EPS15L1: variants seen among roughly 807,000 people sequenced by gnomAD.
The protein encoded by EPS15L1 is epidermal growth factor receptor pathway substrate 15 like 1, also known as epidermal growth factor receptor substrate 15-like 1.
Under a neutral mutation model 117.1 loss-of-function variants are expected in EPS15L1, and 43 were observed. The observed-to-expected ratio is 0.37, with a 90% CI of 0.29 to 0.47. The LOEUF is 0.47. EPS15L1 is among the 20% of genes least tolerant of loss of function. The pLI, the probability that EPS15L1 is intolerant of heterozygous loss-of-function variation, is 0.99. For synonymous variants in EPS15L1, 459 were observed against 470.5 expected, an observed-to-expected ratio of 0.98 and a Z score of 0.32; for missense variants, 981 against 1,164.0, an observed-to-expected ratio of 0.84 and a Z score of 2.29.
At position 16,365,711 on chromosome 19, in the gene EPS15L1, G is replaced by A. The variant is rs993293475; in HGVS notation, c.2381-3727C>T. Among the ~76,000 whole-genome samples, 1 of 152,190 alleles carries A rather than the reference G, an allele frequency of 6.6e-6. No homozygotes were observed. The highest frequency in any genetic ancestry group is 1.5e-5 in the Non-Finnish European group (1 of 68,026). ...CTTCTGCCCAGCTTCTCCCTCCACG[G>A]GAAAGCCCCCCCTCCCCCAGGGTCC... On this transcript the variant is annotated intron_variant, in intron 22 of 23. Transcript: ENST00000455140. This position sits in a 1 kb window ranked among gnomAD's most constrained non-coding sequence, Gnocchi z 4.9.
chr19:16,467,272 C>T (rs2093313200), intron 1 of EPS15L1, among the ~76,000 whole-genome samples: 1 of 151,710 alleles, frequency 6.6e-6, no homozygotes, highest in South Asian at 2.1e-4. Context: ...CCTCAGGGTC[C>T]CGAGTGGCCG....
At chr19:16,369,847 T>C (rs1471860101) in intron 22 of EPS15L1, among the ~76,000 whole-genome samples, 1 of 152,194 alleles carries the variant, frequency 6.6e-6, no homozygotes, top group Non-Finnish European at 1.5e-5. Context: ...ACCTTTGACA[T>C]ACCCTGCGTG....
chr19:16,412,509 G>GA (rs60454283), intron 13 of EPS15L1, among the ~76,000 whole-genome samples: 11 of 150,032 alleles, frequency 7.3e-5, no homozygotes, highest in South Asian at 4.2e-4. Context: ...TAAAAAAAAA[G>GA]AAAAAAAAAT....
rs1599544875 is a variant in EPS15L1 at position 16,377,139 on chromosome 19, C to T, written c.2363G>A (p.Arg788Gln). 1.2e-6 allele frequency: 2 copies of T among 1,607,266 alleles called. No homozygotes were observed. Among genetic ancestry groups the T allele is most frequent in the African/African-American group, 1.3e-5 (1 of 74,502 alleles). Residue 788 changes from arginine (R) to glutamine (Q), a missense_variant, in exon 22 of 24, where the codon CGG (arginine) becomes CAG (glutamine). Physicochemically the swap from Arg to Gln is conservative, Grantham distance 43. Coordinates refer to ENST00000455140, the MANE Select transcript of EPS15L1 (RefSeq NM_001258374.3). ...TTACTGACCGCTGGGCGGTTTAGGC[C>T]GTGGAGGAGCAGGTTTCTTCGGAGG... The part of the protein sequence containing the change: ...ALPPKKPAPP[R>Q]PKPPSGKSTP...
chr19:16,458,911 G>A (rs2093222072), intron 1 of EPS15L1, among the ~76,000 whole-genome samples: 1 of 152,194 alleles, frequency 6.6e-6, no homozygotes, highest in African/African-American at 2.4e-5. Context: ...TGCATCGTCA[G>A]GTTAATTTCA....
intron 7 of EPS15L1, among the ~76,000 whole-genome samples, chr19:16,429,914 C>G (rs2092911908): frequency 6.6e-6 from 1 of 152,240 alleles, no homozygotes; most frequent in Admixed American, 6.5e-5. Context: ...GTGGGCCATG[C>G]CGTGCACTGC....
intron 13 of EPS15L1, among the ~76,000 whole-genome samples, chr19:16,409,496 C>T (rs1489462354): frequency 6.6e-6 from 1 of 152,180 alleles, no homozygotes. Flanking sequence ...AACCAGACTT[C>T]ACCAACATTA....
At chr19:16,408,271 A>G (rs938609155) in intron 13 of EPS15L1, among the ~76,000 whole-genome samples, 12 of 152,142 alleles carry the variant, frequency 7.9e-5, no homozygotes, top group Non-Finnish European at 1.6e-4. Context: ...CACGGAGTCC[A>G]CACAATCCCT....
chr19:16,471,868 G>T lies in EPS15L1; in HGVS notation c.33+45C>A. On this transcript the variant is annotated intron_variant, in intron 1 of 23. Coordinates refer to ENST00000455140, the MANE Select transcript of EPS15L1 (RefSeq NM_001258374.3). This position sits in a 1 kb window ranked among gnomAD's most constrained non-coding sequence, Gnocchi z 4.8. Reference sequence around the variant, plus strand: ...TCAGCCTCGCCGCACCGCTCGCCTCGCGCCCCGCACCCCGGCGCCGCCCCC... The same window carrying T: ...TCAGCCTCGCCGCACCGCTCGCCTCTCGCCCCGCACCCCGGCGCCGCCCCC... The T allele has an allele frequency of 8.3e-7, 1 of 1,198,236 alleles. No homozygotes were observed. The highest frequency in any genetic ancestry group is 1.1e-6 in the Non-Finnish European group (1 of 930,282). 74.2% of individuals were successfully genotyped at this position (1,198,236 alleles called of 1,614,324 possible). A position where few individuals can be genotyped will look rare whatever the true frequency, so the allele number is the denominator to read the frequency against.
At chr19:16,358,983 C>T (rs538005797) in intron 23 of EPS15L1, among the ~76,000 whole-genome samples, 47 of 152,272 alleles carry the variant, frequency 3.1e-4, no homozygotes, top group Non-Finnish European at 4.7e-4. Flanking sequence ...AGAGGTTTCC[C>T]GGGAACAGCC....
At chr19:16,437,580 G>A (rs2092990502) in intron 5 of EPS15L1, among the ~76,000 whole-genome samples, 190 bp downstream of exon 5, 1 of 152,120 alleles carries the variant, frequency 6.6e-6, no homozygotes, top group African/African-American at 2.4e-5. Context: ...ACACAACACT[G>A]TAAATGCACT....
At chr19:16,430,720 G>A (rs150176493) in intron 7 of EPS15L1, among the ~76,000 whole-genome samples, 2,250 of 152,350 alleles carry the variant, frequency 0.015, 13 homozygotes, top group Middle Eastern at 0.051. Flanking sequence ...CCAGATGCAC[G>A]ATGTGTGAGT....
intron 6 of EPS15L1, among the ~76,000 whole-genome samples, chr19:16,435,673 C>G (rs973619118): frequency 6.6e-6 from 1 of 151,954 alleles, no homozygotes; most frequent in Non-Finnish European, 1.5e-5. Context: ...CTGGGATCCT[C>G]TCCTGGCCAT....
chr19:16,392,866 C>T (rs568551768), intron 18 of EPS15L1, among the ~76,000 whole-genome samples: 6 of 151,794 alleles, frequency 4.0e-5, no homozygotes, highest in South Asian at 2.1e-4. Context: ...CCAGCATGGG[C>T]AACACAGAGA....
At chr19:16,414,365 T>G (rs757195003) in intron 12 of EPS15L1, among the ~76,000 whole-genome samples, 22 of 151,664 alleles carry the variant, frequency 1.5e-4, no homozygotes, top group Non-Finnish European at 3.1e-4. Context: ...CCTCAGCCTG[T>G]GACACCCTGG....
rs1029984543 is a variant in EPS15L1 at position 16,460,467 on chromosome 19, C to A, written c.33+11446G>T. The stretch of plus-strand genomic sequence containing the variant: ...ACATTTTCTAGTGGCTAAGAGTCAA[C>A]AACAACAAATTAAATCAATAAAGTC... On this transcript the variant is annotated intron_variant, in intron 1 of 23. Coordinates refer to ENST00000455140, the MANE Select transcript of EPS15L1 (RefSeq NM_001258374.3). Among the ~76,000 whole-genome samples, 3 of 152,258 alleles carry A rather than the reference C, an allele frequency of 2.0e-5. No individual in the cohort carries two copies. The South Asian group carries it at 6.2e-4, about 32-fold the overall frequency.
intron 1 of EPS15L1, among the ~76,000 whole-genome samples, chr19:16,456,751 G>A (rs1187834109): frequency 6.6e-6 from 1 of 152,160 alleles, no homozygotes; most frequent in Non-Finnish European, 1.5e-5. Context: ...TATGGCACAG[G>A]GGACCGCATG....
chr19:16,403,236 C>A (rs978312333), intron 15 of EPS15L1, among the ~76,000 whole-genome samples: 2 of 152,142 alleles, frequency 1.3e-5, no homozygotes, highest in Non-Finnish European at 2.9e-5. Context: ...CAGCGCCCCC[C>A]CCTGGACTGG....
At chr19:16,424,833 T>A (rs2092853374) in intron 9 of EPS15L1, among the ~76,000 whole-genome samples, 1 of 151,932 alleles carries the variant, frequency 6.6e-6, no homozygotes, top group African/African-American at 2.4e-5. Flanking sequence ...GCTAATTTTT[T>A]TGTATTTTTA....
Sources: allele counts gnomAD v4.1 joint callset (sites outside exome capture counted in the v4.1 genomes callset), GRCh38; gene constraint gnomAD v4.1.1; non-coding constraint Gnocchi (gnomAD v3.1); transcripts MANE v1.5; gene names NCBI Gene and HGNC (gene_info 2026-07-23, HGNC 2026-07-21).